Variants in MYLK4 observed in about 807,000 individuals in gnomAD.
MYLK4 encodes caMLCK like.
MYLK4 carries 46 observed loss-of-function variants against 48.1 expected under a neutral mutation model. That is an observed-to-expected ratio of 0.96 (90% CI 0.75 to 1.22). MYLK4 has a LOEUF of 1.22. Ranked by LOEUF, MYLK4 falls within the 50% of genes most tolerant of loss-of-function variation. The pLI is 0.00. For synonymous variants in MYLK4, 170 were observed against 180.8 expected (o/e 0.94, Z 0.48); for missense variants, 451 against 486.1 (o/e 0.93, Z 0.68).
intron 3 of MYLK4, among the ~76,000 whole-genome samples, chr6:2,690,989 C>G (rs1232287972): frequency 6.6e-6 from 1 of 151,924 alleles, no homozygotes; most frequent in Non-Finnish European, 1.5e-5. Context: ...CCACCACGCC[C>G]GGCTAATTTT....
chr6:2,768,695 C>G, the MYLK4 span: 1 of 1,608,104 alleles, frequency 6.2e-7, no homozygotes, highest in Non-Finnish European at 8.5e-7. Flanking sequence ...TTCTAGACCA[C>G]TCTGGCTCAC....
intron 2 of MYLK4, among the ~76,000 whole-genome samples, chr6:2,707,508 G>T (rs1356527991): frequency 6.6e-6 from 1 of 152,120 alleles, no homozygotes; most frequent in African/African-American, 2.4e-5. Context: ...CTTTGCTGTT[G>T]TTCATTTTCT....
In MYLK4 at chr6:2,664,233, AG is replaced by A. The variant is rs1760554619; in HGVS notation, c.*3691del. ...AAACTTGGATCCGAACTTAAGAAAA[AG>A]GAAAGAAGTAAAAAAATGTAAAAGA... On this transcript the variant is annotated 3_prime_UTR_variant, in exon 13 of 13. Transcript: ENST00000274643. 1 of 152,234 alleles carries A rather than the reference AG, an allele frequency of 6.6e-6. No homozygotes were observed. Among genetic ancestry groups the A allele is most frequent in the African/African-American group, 2.4e-5 (1 of 41,458 alleles). 9.4% of individuals were successfully genotyped at this position (152,234 alleles called of 1,614,324 possible). A position where few individuals can be genotyped will look rare whatever the true frequency, so the allele number is the denominator to read the frequency against.
At chr6:2,751,495 C>T (rs1269325877), upstream of MYLK4, among the ~76,000 whole-genome samples, 3 of 152,210 alleles carry the variant, frequency 2.0e-5, no homozygotes, top group African/African-American at 4.8e-5. Context: ...GGACTTCATC[C>T]GTAGTTTTCT....
chr6:2,739,954 G>C (rs140023423), intron 2 of MYLK4, among the ~76,000 whole-genome samples: 2 of 152,338 alleles, frequency 1.3e-5, no homozygotes, highest in East Asian at 3.9e-4. Context: ...GAACTCCACT[G>C]GGAGGGCAGG....
the MYLK4 span, chr6:2,765,727 C>T: frequency 9.8e-6 from 15 of 1,534,066 alleles, no homozygotes; most frequent in African/African-American, 1.4e-4. Flanking sequence ...TCAACTCGCA[C>T]CTGGACCGCT....
the MYLK4 span, among the ~76,000 whole-genome samples, chr6:2,762,796 C>T: frequency 6.6e-6 from 1 of 152,154 alleles, no homozygotes; most frequent in Admixed American, 6.5e-5. Flanking sequence ...AACTGGCAGA[C>T]CTTCCCGGAG....
Position 2,685,782 on chromosome 6 carries a change from A to C in MYLK4, c.342-206T>G, listed in dbSNP as rs1033283869. Among the ~76,000 whole-genome samples the C allele has an allele frequency of 6.6e-6, 1 of 152,064 alleles. No individual in the cohort carries two copies. The highest frequency in any genetic ancestry group is 2.4e-5 in the African/African-American group (1 of 41,402). On this transcript the variant is annotated intron_variant, in intron 4 of 12. Transcript: ENST00000274643. This position sits in a 1 kb window ranked among gnomAD's most constrained non-coding sequence, Gnocchi z 4.5. ...ATCACCTGGGAGCTGTTAAGAAAGC[A>C]GGTCTCGGCCGGGCACGGTGGCTCA...
the MYLK4 span, chr6:2,770,099 C>T: frequency 6.2e-7 from 1 of 1,610,498 alleles, no homozygotes; most frequent in East Asian, 2.2e-5. Flanking sequence ...TCACTTTTTT[C>T]TGTTTTCCTC....
chr6:2,750,117 A>C (rs1471781781), intron 1 of MYLK4, among the ~76,000 whole-genome samples: 1 of 152,230 alleles, frequency 6.6e-6, no homozygotes, highest in African/African-American at 2.4e-5. Context: ...ATAGAGAGGC[A>C]GGGAGAGGGA....
At chr6:2,736,686 A>G (rs1327836714) in intron 2 of MYLK4, among the ~76,000 whole-genome samples, 1 of 152,236 alleles carries the variant, frequency 6.6e-6, no homozygotes, top group Non-Finnish European at 1.5e-5. Flanking sequence ...TCATTTAAAA[A>G]TACACTCTAA....
intron 2 of MYLK4, among the ~76,000 whole-genome samples, chr6:2,706,553 A>T (rs1485818944): frequency 6.6e-6 from 1 of 152,170 alleles, no homozygotes; most frequent in East Asian, 1.9e-4. Context: ...ATATAGATAT[A>T]ATAATGGACA....
At chr6:2,768,959 G>A in the MYLK4 span, 1 of 1,411,950 alleles carries the variant, frequency 7.1e-7, no homozygotes, top group Non-Finnish European at 9.6e-7. Flanking sequence ...CTATACAAAC[G>A]CTAGAGACTT....
intron 2 of MYLK4, among the ~76,000 whole-genome samples, chr6:2,696,320 T>C (rs753763841): frequency 6.6e-6 from 1 of 152,222 alleles, no homozygotes; most frequent in African/African-American, 2.4e-5. Flanking sequence ...CCATTCCTTA[T>C]GGATTGAATG....
intron 2 of MYLK4, among the ~76,000 whole-genome samples, chr6:2,745,879 C>G (rs1764068907): frequency 7.5e-6 from 1 of 133,256 alleles, no homozygotes; most frequent in African/African-American, 2.7e-5. Context: ...GAGCTGAGAT[C>G]ACACCACTGC....
chr6:2,736,535 A>G (rs946274128), intron 2 of MYLK4, among the ~76,000 whole-genome samples: 1 of 152,270 alleles, frequency 6.6e-6, no homozygotes, highest in Non-Finnish European at 1.5e-5. Context: ...TTGATCATGC[A>G]AAAACATAAT....
the MYLK4 span, chr6:2,765,488 T>C: frequency 1.0e-5 from 12 of 1,164,148 alleles, no homozygotes; most frequent in Non-Finnish European, 1.3e-5. Context: ...GGCGCCCTCC[T>C]CCGGCCCGCG....
rs1049023465 is a variant in MYLK4 at position 2,672,823 on chromosome 6, G to A, written c.1120-1475C>T. ...AGAGCAGAGCAGTGAGGCTCTGCCC[G>A]GACTCCAGAGCTCAGCCCTGTCCTG... On this transcript the variant is annotated intron_variant, in intron 11 of 12. Coordinates refer to ENST00000274643, the MANE Select transcript of MYLK4 (RefSeq NM_001012418.5). This position sits in a 1 kb window ranked among gnomAD's most constrained non-coding sequence, Gnocchi z 4.3. 6.6e-5 allele frequency among the ~76,000 whole-genome samples: 10 copies of A among 152,142 alleles called. No individual in the cohort carries two copies. The highest frequency in any genetic ancestry group is 1.7e-4 in the African/African-American group (7 of 41,430).
the MYLK4 span, among the ~76,000 whole-genome samples, chr6:2,760,319 A>G: frequency 6.6e-6 from 1 of 152,230 alleles, no homozygotes; most frequent in Non-Finnish European, 1.5e-5. Context: ...AGGGTCCCAG[A>G]CATGGAGCTT....
Sources: gnomAD v4.1 joint callset for allele counts (sites outside exome capture counted in the v4.1 genomes callset) on GRCh38, gnomAD v4.1.1 for gene constraint, Gnocchi (gnomAD v3.1) non-coding constraint, MANE v1.5 for transcripts, NCBI Gene and HGNC (gene_info 2026-07-23, HGNC 2026-07-21) for gene names.